NCOR1: variants seen among roughly 807,000 people sequenced by gnomAD.
The protein encoded by NCOR1 is protein phosphatase 1, regulatory subunit 109.
Under a neutral mutation model 288.1 loss-of-function variants are expected in NCOR1, and 63 were observed. The ratio of observed to expected loss-of-function variants is 0.22; its 90% CI spans 0.18 to 0.27. The LOEUF (loss-of-function observed/expected upper bound fraction) is 0.27, where lower values mean the gene tolerates loss of function less well. Ranked by LOEUF, NCOR1 falls within the 10% of genes least tolerant of loss-of-function variation. NCOR1 has a pLI of 1.00. For synonymous variants in NCOR1, 1,007 were observed against 1,065.9 expected, an observed-to-expected ratio of 0.94 and a Z score of 1.08; for missense variants, 2,397 against 3,019.2, an observed-to-expected ratio of 0.79 and a Z score of 4.83.
At chr17:16,126,621 T>C (rs2074099480) in intron 14 of NCOR1, among the ~76,000 whole-genome samples, 1 of 152,206 alleles carries the variant, frequency 6.6e-6, no homozygotes, top group African/African-American at 2.4e-5. Flanking sequence ...TATAATGCTA[T>C]AAGAAACATC....
chr17:16,121,788 A>T (rs1026198823), intron 15 of NCOR1, among the ~76,000 whole-genome samples: 1 of 152,208 alleles, frequency 6.6e-6, no homozygotes, highest in Admixed American at 6.5e-5. Context: ...CAATACTCTA[A>T]ATCATGTCTG....
At chr17:16,182,681 T>C (rs1212247807) in intron 3 of NCOR1, among the ~76,000 whole-genome samples, 1 of 152,170 alleles carries the variant, frequency 6.6e-6, no homozygotes, top group Non-Finnish European at 1.5e-5. Flanking sequence ...CTCAATCTCC[T>C]GACCTCGTGA....
intron 9 of NCOR1, 78 bp from the exon 10 acceptor site, chr17:16,146,626 G>T: frequency 7.9e-7 from 1 of 1,264,422 alleles, no homozygotes; most frequent in Admixed American, 2.9e-5. Flanking sequence ...TAAAATAAAT[G>T]CTACTTCTTA....
chr17:16,210,432 G>A (rs1284786134), intron 1 of NCOR1, among the ~76,000 whole-genome samples: 1 of 152,080 alleles, frequency 6.6e-6, no homozygotes, highest in Admixed American at 6.6e-5. Context: ...TTGGGCCTCA[G>A]GGGTATTTAA....
chr17:16,039,395 GGAAAAGCAGCA>G, intron 44 of NCOR1, 27 bp downstream of exon 44: 1 of 1,589,116 alleles, frequency 6.3e-7, no homozygotes, highest in Non-Finnish European at 8.6e-7. Context: ...GCTTTTTTGG[GGAAAAGCAGCA>G]GAAAAGCACT....
At chr17:16,096,716 G>C (rs564173153) in intron 21 of NCOR1, among the ~76,000 whole-genome samples, 1 of 152,174 alleles carries the variant, frequency 6.6e-6, no homozygotes, top group South Asian at 2.1e-4. Context: ...ATCTCAAAGA[G>C]TTTACTCAAA....
chr17:16,095,420 C>T (rs1330447089), intron 21 of NCOR1, among the ~76,000 whole-genome samples: 6 of 150,298 alleles, frequency 4.0e-5, no homozygotes, highest in Non-Finnish European at 6.0e-5. Flanking sequence ...CCAGGCCAGC[C>T]GCCCCATCCG....
At chr17:16,132,049 A>T (rs989716102) in intron 14 of NCOR1, among the ~76,000 whole-genome samples, 1 of 152,210 alleles carries the variant, frequency 6.6e-6, no homozygotes, top group Non-Finnish European at 1.5e-5. Context: ...GTCTAAAATA[A>T]TCTTTCTATC....
intron 23 of NCOR1, among the ~76,000 whole-genome samples, chr17:16,085,382 T>C (rs2064064993): frequency 1.3e-5 from 2 of 152,128 alleles, no homozygotes; most frequent in South Asian, 2.1e-4. Context: ...TCCCAGGTAA[T>C]TGTACAAGAA....
intron 11 of NCOR1, among the ~76,000 whole-genome samples, chr17:16,139,971 C>T (rs1880071137): frequency 6.6e-6 from 1 of 152,198 alleles, no homozygotes; most frequent in Non-Finnish European, 1.5e-5. Flanking sequence ...GGGACACTCT[C>T]AATCAGTTTG....
chr17:16,130,656 A>G (rs572362542), intron 14 of NCOR1, among the ~76,000 whole-genome samples: 1 of 152,330 alleles, frequency 6.6e-6, no homozygotes, highest in Non-Finnish European at 1.5e-5. Flanking sequence ...AGAAAAAAGT[A>G]AAAGTTAAGT....
At chr17:16,071,279 G>T in intron 30 of NCOR1, 130 bp downstream of exon 30, 4 of 1,315,136 alleles carry the variant, frequency 3.0e-6, no homozygotes, top group Non-Finnish European at 4.2e-6. Context: ...AAAAAAAAAG[G>T]TACAGGAAAC....
chr17:16,189,901 CAG>C lies in NCOR1; in HGVS notation c.109-3216_109-3215del, dbSNP rs1016566260. 4.6e-5 allele frequency among the ~76,000 whole-genome samples: 7 copies of C among 152,156 alleles called. No homozygotes were observed. In the South Asian group the frequency reaches 6.2e-4, roughly 13 times the overall value. On this transcript the variant is annotated intron_variant, in intron 2 of 45. Transcript: ENST00000268712. ...AGCAAATAATAGCATATTTCAAGTT[CAG>C]AGGAAAATAACGTTGAAGCTACAAA...
intron 15 of NCOR1, among the ~76,000 whole-genome samples, chr17:16,125,852 T>C (rs189940889): frequency 3.5e-3 from 528 of 151,716 alleles, no homozygotes; most frequent in Non-Finnish European, 6.6e-3. Context: ...CACATGGATA[T>C]AGAGAGTGGA....
chr17:16,127,343 ATGTATATATGTATGTATATATACATG>A (rs2074498721), intron 14 of NCOR1, among the ~76,000 whole-genome samples: 1 of 130,002 alleles, frequency 7.7e-6, no homozygotes, highest in African/African-American at 3.7e-5. Flanking sequence ...ATATACATGT[ATGTATATATGTATGTATATATACATG>A]TATGTATATA....
intron 9 of NCOR1, among the ~76,000 whole-genome samples, chr17:16,149,025 G>A (rs1373757771): frequency 1.3e-5 from 2 of 151,750 alleles, no homozygotes. Context: ...AAAAAATATG[G>A]AAAACCATTT....
rs960101453 is a variant in NCOR1, at chr17:16,181,940, C to CT, written c.242+4613dup. Among the ~76,000 whole-genome samples, 40 of 150,284 alleles carry CT rather than the reference C, an allele frequency of 2.7e-4. 2 individuals carry two copies. Among genetic ancestry groups the CT allele is most frequent in the African/African-American group, 8.3e-4 (34 of 41,072 alleles). ...GAATGGCAAAAGTATGGGTAACAAACTTTTTTTTTTCCAAACCAAGTGGTT... is the reference window on the plus strand; with the variant it reads ...GAATGGCAAAAGTATGGGTAACAAACTTTTTTTTTTTCCAAACCAAGTGGTT... On this transcript the variant is annotated intron_variant, in intron 3 of 45. Coordinates refer to ENST00000268712, the MANE Select transcript of NCOR1 (RefSeq NM_006311.4).
chr17:16,193,688 A>C (rs2089119030), intron 2 of NCOR1, among the ~76,000 whole-genome samples: 1 of 152,226 alleles, frequency 6.6e-6, no homozygotes, highest in African/African-American at 2.4e-5. Flanking sequence ...CAACCAAAAA[A>C]GGCATCAACA....
intron 40 of NCOR1, among the ~76,000 whole-genome samples, chr17:16,052,100 C>T (rs963573667): frequency 2.7e-4 from 41 of 151,984 alleles, no homozygotes; most frequent in African/African-American, 9.6e-4. Context: ...GCTCCGCCTC[C>T]CGGGTTCACG....
Sources: allele counts gnomAD v4.1 joint callset (sites outside exome capture counted in the v4.1 genomes callset), GRCh38; gene constraint gnomAD v4.1.1; transcripts MANE v1.5; gene names NCBI Gene and HGNC (gene_info 2026-07-23, HGNC 2026-07-21).